CETN3: variants seen among roughly 807,000 people sequenced by gnomAD.
CETN3 encodes the protein centrin 3.
In CETN3, 17 loss-of-function variants were observed where a neutral mutation model predicts 20.1. The observed-to-expected ratio is 0.85, with a 90% CI of 0.58 to 1.27. CETN3 has a LOEUF of 1.27. Ranked by LOEUF, CETN3 falls within the 50% of genes most tolerant of loss-of-function variation. The pLI, the probability that CETN3 is intolerant of heterozygous loss-of-function variation, is 0.00. For missense variants in CETN3, 169 were observed against 191.2 expected (o/e 0.88, Z 0.69); for synonymous variants, 52 against 59.7 (o/e 0.87, Z 0.59).
At chr5:90,406,669 A>G (rs1289526442) in intron 2 of CETN3, among the ~76,000 whole-genome samples, 1 of 151,404 alleles carries the variant, frequency 6.6e-6, no homozygotes, top group African/African-American at 2.4e-5. Flanking sequence ...TGAACAATTT[A>G]TGAGCAATGG....
intron 4 of CETN3, among the ~76,000 whole-genome samples, chr5:90,398,028 T>C (rs1469673445): frequency 6.6e-6 from 1 of 152,120 alleles, no homozygotes; most frequent in Admixed American, 6.6e-5. Flanking sequence ...TTCCAAAAGA[T>C]GTGCTGTGTT....
At chr5:90,404,661 A>T (rs1293295649) in intron 3 of CETN3, among the ~76,000 whole-genome samples, 2 of 151,906 alleles carry the variant, frequency 1.3e-5, no homozygotes, top group Non-Finnish European at 2.9e-5. Flanking sequence ...TTATGACTTG[A>T]GCTTTTGGAT....
chr5:90,409,296 C>T (rs1212120454), intron 1 of CETN3, among the ~76,000 whole-genome samples: 1 of 152,158 alleles, frequency 6.6e-6, no homozygotes, highest in Non-Finnish European at 1.5e-5. Context: ...CCTGACCAGG[C>T]ACACGGATGA....
chr5:90,402,331 T>C (rs1361083898), intron 3 of CETN3, among the ~76,000 whole-genome samples: 1 of 152,242 alleles, frequency 6.6e-6, no homozygotes, highest in Admixed American at 6.5e-5. Flanking sequence ...CTCTGCTGAC[T>C]AGAATTCAAA....
chr5:90,393,573 A>G lies in CETN3; in HGVS notation c.*491T>C, dbSNP rs1749067290. 1 of 152,204 alleles carries G rather than the reference A, an allele frequency of 6.6e-6. No individual in the cohort carries two copies. Among genetic ancestry groups the G allele is most frequent in the Admixed American group, 6.5e-5 (1 of 15,272 alleles). 9.4% of individuals were successfully genotyped at this position (152,204 alleles called of 1,614,324 possible). On this transcript the variant is annotated 3_prime_UTR_variant, in exon 5 of 5. Transcript: ENST00000283122. ...TGTCAAAATTGATGAAATGTTAGGT[A>G]ATGGAAAAATGTGCCACTCTATTGC...
chr5:90,401,285 T>C (rs1749282300), intron 3 of CETN3, among the ~76,000 whole-genome samples: 1 of 152,210 alleles, frequency 6.6e-6, no homozygotes, highest in South Asian at 2.1e-4. Flanking sequence ...ATATATAACT[T>C]TATAATGACT....
At chr5:90,400,026 A>T (rs1043096116) in intron 3 of CETN3, among the ~76,000 whole-genome samples, 1 of 152,328 alleles carries the variant, frequency 6.6e-6, no homozygotes, top group Admixed American at 6.5e-5. Flanking sequence ...CCAACTTCAA[A>T]ACAAGAAAAA....
At chr5:90,398,517 GA>G (rs1336030433) in intron 4 of CETN3, among the ~76,000 whole-genome samples, 1 of 152,154 alleles carries the variant, frequency 6.6e-6, no homozygotes, top group African/African-American at 2.4e-5. Flanking sequence ...TTAACAATTA[GA>G]GCATTCTAAG....
intron 1 of CETN3, among the ~76,000 whole-genome samples, chr5:90,408,624 G>C (rs951126609): frequency 3.3e-5 from 5 of 152,114 alleles, no homozygotes; most frequent in African/African-American, 1.2e-4. Context: ...AGCCAGAAAT[G>C]TTTTCCTTAA....
At chr5:90,405,214 G>A (rs1214293374) in intron 3 of CETN3, among the ~76,000 whole-genome samples, 1 of 152,068 alleles carries the variant, frequency 6.6e-6, no homozygotes. Flanking sequence ...TCAACCTGAA[G>A]TCGTGCATTT....
At chr5:90,394,714 C>T (rs1749099732) in intron 4 of CETN3, among the ~76,000 whole-genome samples, 1 of 151,738 alleles carries the variant, frequency 6.6e-6, no homozygotes. Flanking sequence ...ATCTTAATCA[C>T]CAAAGTAATC....
In CETN3 at chr5:90,393,666, C is replaced by A. The variant is rs1321213868; in HGVS notation, c.*398G>T. ...AAAGGGAAGATTTAAGAAATCCACTCTTGAGGGTTAACAGATACTAGGAAT... is the reference window on the plus strand; with the variant it reads ...AAAGGGAAGATTTAAGAAATCCACTATTGAGGGTTAACAGATACTAGGAAT... On this transcript the variant is annotated 3_prime_UTR_variant, in exon 5 of 5. Transcript: ENST00000283122. 2 of 152,628 alleles carry A rather than the reference C, an allele frequency of 1.3e-5. No individual in the cohort carries two copies. The highest frequency in any genetic ancestry group is 1.3e-4 in the Admixed American group (2 of 15,266). The allele number at this position is 152,628 out of a possible 1,614,324, so 9.5% of individuals were successfully genotyped here.
intron 3 of CETN3, among the ~76,000 whole-genome samples, chr5:90,403,406 A>G (rs1477314098): frequency 6.6e-6 from 1 of 152,258 alleles, no homozygotes; most frequent in Non-Finnish European, 1.5e-5. Flanking sequence ...TAGCTAAGAT[A>G]CATGTTGACC....
At chr5:90,395,461 T>G (rs1164015092) in intron 4 of CETN3, among the ~76,000 whole-genome samples, 1 of 151,968 alleles carries the variant, frequency 6.6e-6, no homozygotes, top group Non-Finnish European at 1.5e-5. Flanking sequence ...TTTAATTAAT[T>G]AATTAATTAA....
chr5:90,397,472 G>A (rs1192081019), intron 4 of CETN3, among the ~76,000 whole-genome samples: 1 of 151,918 alleles, frequency 6.6e-6, no homozygotes, highest in Non-Finnish European at 1.5e-5. Flanking sequence ...ATTTCATAGA[G>A]CAAATCTTAT....
At position 90,405,722 on chromosome 5, in the gene CETN3, G is replaced by T; in HGVS notation, c.231C>A (p.Ala77=). 1.9e-6 allele frequency: 3 copies of T among 1,612,212 alleles called. No homozygotes were observed. The highest frequency in any genetic ancestry group is 2.5e-6 in the Non-Finnish European group (3 of 1,178,720). ...AATCTTCAAAGGTGATTTTCCCTGT[G>T]GCTTCTCTGTCATAATCTTTAAGAA... ...LKILKDYDRE[A]TGKITFEDFN... is the part of the protein sequence containing the mutation. The change falls in exon 3 of 5, where the codon GCC becomes GCA. Residue 77 remains alanine (A), a synonymous_variant. Transcript: ENST00000283122.
At chr5:90,409,405 T>C (rs1047759702) in intron 1 of CETN3, among the ~76,000 whole-genome samples, 8 of 152,088 alleles carry the variant, frequency 5.3e-5, no homozygotes, top group African/African-American at 1.9e-4. Flanking sequence ...CTTCTGGCAG[T>C]CCAAAGCCCT....
At chr5:90,397,398 G>C (rs962099085) in intron 4 of CETN3, among the ~76,000 whole-genome samples, 1 of 152,028 alleles carries the variant, frequency 6.6e-6, no homozygotes, top group Non-Finnish European at 1.5e-5. Flanking sequence ...ATTGAATCAA[G>C]AAAATATGAC....
At chr5:90,406,842 A>AT in intron 2 of CETN3, among the ~76,000 whole-genome samples, 1 of 141,300 alleles carries the variant, frequency 7.1e-6, no homozygotes, top group South Asian at 2.1e-4. Context: ...TGGGTAACCA[A>AT]AAAAAAAAAA....
Sources: gnomAD v4.1 joint callset for allele counts (sites outside exome capture counted in the v4.1 genomes callset) on GRCh38, gnomAD v4.1.1 for gene constraint, MANE v1.5 for transcripts, NCBI Gene and HGNC (gene_info 2026-07-23, HGNC 2026-07-21) for gene names.